CFAP299: variants seen among roughly 807,000 people sequenced by gnomAD.
CFAP299 encodes cilia and flagella associated protein 299, also known as cilia- and flagella-associated protein 299.
CFAP299 carries 21 observed loss-of-function variants against 27.0 expected under a neutral mutation model. The observed-to-expected ratio is 0.78, with a 90% CI of 0.55 to 1.12. CFAP299 has a LOEUF of 1.12. Among genes scored for constraint, CFAP299 ranks in the 50% most tolerant of loss-of-function variants. The probability of loss-of-function intolerance (pLI) is 0.00; values close to 1 mark genes in which losing one functional copy is unlikely to be tolerated. For synonymous variants in CFAP299, 104 were observed against 98.1 expected (o/e 1.06, Z -0.36); for missense variants, 310 against 276.6 (o/e 1.12, Z -0.86).
intron 3 of CFAP299, among the ~76,000 whole-genome samples, chr4:80,693,183 C>G (rs1720848669): frequency 6.6e-6 from 1 of 152,254 alleles, no homozygotes; most frequent in East Asian, 1.9e-4. Context: ...TTGACCCAGC[C>G]ATCCCATTAC....
At chr4:80,730,248 C>CTCTCTGTGTG (rs1553953972) in intron 3 of CFAP299, among the ~76,000 whole-genome samples, 1 of 130,802 alleles carries the variant, frequency 7.6e-6, no homozygotes, top group African/African-American at 3.1e-5. Context: ...CTCTCTCTCT[C>CTCTCTGTGTG]TGTGTGTGTG....
At chr4:80,388,761 G>A in intron 2 of CFAP299, 2 of 487,566 alleles carry the variant, frequency 4.1e-6, no homozygotes, top group South Asian at 6.8e-5. Flanking sequence ...AGATTTTTTG[G>A]GGAGGTAGGG....
chr4:80,568,789 A>C (rs1383132272), intron 2 of CFAP299, among the ~76,000 whole-genome samples: 1 of 152,096 alleles, frequency 6.6e-6, no homozygotes, highest in Non-Finnish European at 1.5e-5. Context: ...AAGAGGGGGA[A>C]GAAGGACCTT....
chr4:80,696,610 T>G (rs1180501486), intron 3 of CFAP299, among the ~76,000 whole-genome samples: 1 of 152,158 alleles, frequency 6.6e-6, no homozygotes, highest in Non-Finnish European at 1.5e-5. Flanking sequence ...CACATAAGTT[T>G]TTTAAAAACT....
intron 2 of CFAP299, among the ~76,000 whole-genome samples, chr4:80,468,964 A>T (rs1578479993): frequency 6.6e-6 from 1 of 151,890 alleles, no homozygotes; most frequent in South Asian, 2.1e-4. Flanking sequence ...CTCCTCTTTC[A>T]TTATTCTTTT....
intron 3 of CFAP299, among the ~76,000 whole-genome samples, chr4:80,847,445 G>A (rs1731247729): frequency 6.6e-6 from 1 of 152,110 alleles, no homozygotes; most frequent in Admixed American, 6.6e-5. Context: ...AGTAGTGTTG[G>A]GGGAAGTCTA....
intron 2 of CFAP299, among the ~76,000 whole-genome samples, chr4:80,417,708 G>T (rs1456619573): frequency 6.6e-6 from 1 of 152,076 alleles, no homozygotes; most frequent in East Asian, 1.9e-4. Flanking sequence ...TGTGATTTGG[G>T]TAGGTTTTGA....
intron 3 of CFAP299, among the ~76,000 whole-genome samples, chr4:80,684,563 C>T (rs1042776898): frequency 1.6e-4 from 25 of 152,280 alleles, no homozygotes; most frequent in African/African-American, 5.3e-4. Context: ...CCACTGCGCC[C>T]GGCCTGAGAT....
At chr4:80,807,614 C>G (rs1254390589) in intron 3 of CFAP299, among the ~76,000 whole-genome samples, 2 of 151,942 alleles carry the variant, frequency 1.3e-5, no homozygotes, top group African/African-American at 2.4e-5. Context: ...TCTCTGGTAC[C>G]TTTCAACCCT....
chr4:80,739,107 G>C (rs919128190), intron 3 of CFAP299, among the ~76,000 whole-genome samples: 1 of 151,848 alleles, frequency 6.6e-6, no homozygotes, highest in East Asian at 1.9e-4. Context: ...ATGTATTATT[G>C]TACTGTCCAT....
At chr4:80,729,687 C>A (rs1723384229) in intron 3 of CFAP299, among the ~76,000 whole-genome samples, 1 of 150,238 alleles carries the variant, frequency 6.7e-6, no homozygotes, top group Non-Finnish European at 1.5e-5. Context: ...ACAAGCTCCA[C>A]CTTCCGGGTT....
intron 3 of CFAP299, among the ~76,000 whole-genome samples, chr4:80,595,238 T>A (rs1737002200): frequency 6.6e-6 from 1 of 152,160 alleles, no homozygotes; most frequent in Non-Finnish European, 1.5e-5. Context: ...TTGGTTTCCT[T>A]CTTGTATGCA....
At chr4:80,479,960 A>C (rs902598166) in intron 2 of CFAP299, among the ~76,000 whole-genome samples, 3 of 152,038 alleles carry the variant, frequency 2.0e-5, no homozygotes, top group Non-Finnish European at 4.4e-5. Context: ...GATTTACACA[A>C]GCCAAGTATC....
chr4:80,709,768 C>T (rs1002576761), intron 3 of CFAP299, among the ~76,000 whole-genome samples: 3 of 152,078 alleles, frequency 2.0e-5, no homozygotes, highest in Admixed American at 6.6e-5. Flanking sequence ...AACCTGGGGA[C>T]GTTACTTCAA....
intron 2 of CFAP299, among the ~76,000 whole-genome samples, chr4:80,573,073 T>G (rs539936713): frequency 1.5e-3 from 228 of 152,216 alleles, no homozygotes; most frequent in Non-Finnish European, 2.9e-3. Flanking sequence ...GCTATAGTAA[T>G]TTACAGTGCT....
chr4:80,402,550 A>C (rs1726217613), intron 2 of CFAP299, among the ~76,000 whole-genome samples: 1 of 152,104 alleles, frequency 6.6e-6, no homozygotes, highest in South Asian at 2.1e-4. Context: ...AGCCATGTGG[A>C]ACTGTAAGTC....
chr4:80,650,978 C>T (rs1035237117), intron 3 of CFAP299, among the ~76,000 whole-genome samples: 5 of 151,470 alleles, frequency 3.3e-5, no homozygotes, highest in African/African-American at 1.2e-4. Flanking sequence ...ACTCAAGTAA[C>T]CAAATACCAC....
intron 3 of CFAP299, among the ~76,000 whole-genome samples, chr4:80,839,177 T>C (rs1316204810): frequency 6.6e-6 from 1 of 152,180 alleles, no homozygotes; most frequent in Non-Finnish European, 1.5e-5. Context: ...TCATATTCCT[T>C]TCTTACTTAT....
intron 2 of CFAP299, among the ~76,000 whole-genome samples, chr4:80,539,120 A>AAGC (rs1733881202): frequency 6.6e-6 from 1 of 152,190 alleles, no homozygotes; most frequent in Non-Finnish European, 1.5e-5. Context: ...CCTAGTAGAT[A>AAGC]TATTGGTCAT....
Sources: allele counts gnomAD v4.1 joint callset (sites outside exome capture counted in the v4.1 genomes callset), GRCh38; gene constraint gnomAD v4.1.1; transcripts MANE v1.5; gene names NCBI Gene and HGNC (gene_info 2026-07-23, HGNC 2026-07-21).